Variants in OTOG observed in about 807,000 individuals in gnomAD.
The protein encoded by OTOG is otogelin.
Under a neutral mutation model 313.8 loss-of-function variants are expected in OTOG, and 296 were observed. The ratio of observed to expected loss-of-function variants is 0.94; its 90% CI spans 0.86 to 1.04. OTOG has a LOEUF of 1.04. Among genes scored for constraint, OTOG ranks in the 50% least tolerant of loss-of-function variants. The probability of loss-of-function intolerance (pLI) is 0.00; values close to 1 mark genes in which losing one functional copy is unlikely to be tolerated. For missense variants in OTOG, 3,948 were observed against 3,840.1 expected, an observed-to-expected ratio of 1.03 and a Z score of -0.74; for synonymous variants, 1,533 against 1,554.9, an observed-to-expected ratio of 0.99 and a Z score of 0.33.
At chr11:17,594,216 T>C in intron 28 of OTOG, 50 bp downstream of exon 28, 1 of 1,548,908 alleles carries the variant, frequency 6.5e-7, no homozygotes. Flanking sequence ...AGATGGGCGC[T>C]GCCAGCACTG....
intron 30 of OTOG, 58 bp downstream of exon 30, chr11:17,597,065 C>G: frequency 6.6e-7 from 1 of 1,524,676 alleles, no homozygotes; most frequent in South Asian, 1.2e-5. Flanking sequence ...TGTGGGCATG[C>G]CCTAGGGGTA....
intron 14 of OTOG, 67 bp from the exon 15 acceptor site, chr11:17,561,595 G>A (rs1238978778): frequency 6.6e-7 from 1 of 1,509,198 alleles, no homozygotes; most frequent in Non-Finnish European, 9.0e-7. Context: ...CCTCATACTT[G>A]GAGCTTGCAG....
In OTOG at chr11:17,569,070, C is replaced by G. The variant is rs140080613; in HGVS notation, c.1645-86C>G. On this transcript the variant is annotated intron_variant, in intron 15 of 55. Coordinates refer to ENST00000399397, the MANE Select transcript of OTOG (RefSeq NM_001292063.2). ...TGAGGAAACTGTCTCTCAAGCTGGG[C>G]TGGGGTCTCTGTCCCTAGAGGGCTC... 1.9e-5 allele frequency: 28 copies of G among 1,448,826 alleles called. No homozygotes were observed. In the East Asian group the frequency reaches 6.5e-4, roughly 33 times the overall value. 89.7% of individuals were successfully genotyped at this position (1,448,826 alleles called of 1,614,324 possible).
chr11:17,643,012 G>A (rs942540532), intron 53 of OTOG, among the ~76,000 whole-genome samples: 8 of 152,196 alleles, frequency 5.3e-5, no homozygotes, highest in Admixed American at 3.9e-4. Flanking sequence ...TAGAGGAGGA[G>A]GGTTTTAACG....
At chr11:17,621,411 TA>T (rs977150575) in intron 39 of OTOG, among the ~76,000 whole-genome samples, 1 of 152,152 alleles carries the variant, frequency 6.6e-6, no homozygotes, top group African/African-American at 2.4e-5. Flanking sequence ...CTCTACATAT[TA>T]GGAGGTTTTT....
rs1847959439 is a variant in OTOG at position 17,641,013 on chromosome 11, C to T, written c.8112C>T (p.Cys2704=). 6.5e-7 allele frequency: 1 copy of T among 1,548,430 alleles called. No homozygotes were observed. Residue 2704 remains cysteine, a synonymous_variant, in exon 51 of 56, where the codon TGC becomes TGT. Coordinates refer to ENST00000399397, the MANE Select transcript of OTOG (RefSeq NM_001292063.2). The part of the protein sequence containing the change: ...SADGVCHTSR[C]TTVLDPLTNF... Reference sequence around the variant, plus strand: ...ATGGCGTGTGCCACACCTCCCGCTGCACCACCGTGCTCGACCCTCTCACCA... The same window carrying T: ...ATGGCGTGTGCCACACCTCCCGCTGTACCACCGTGCTCGACCCTCTCACCA...
At chr11:17,633,415 A>G (rs1854180379) in intron 42 of OTOG, among the ~76,000 whole-genome samples, 1 of 152,256 alleles carries the variant, frequency 6.6e-6, no homozygotes, top group Non-Finnish European at 1.5e-5. Context: ...GAGACAGAAT[A>G]TAAATGAACA....
intron 20 of OTOG, among the ~76,000 whole-genome samples, chr11:17,576,317 T>A (rs1257096191): frequency 6.6e-6 from 1 of 152,216 alleles, no homozygotes; most frequent in African/African-American, 2.4e-5. Context: ...TGGAGACCAG[T>A]GACTCCTTGT....
At chr11:17,594,260 G>C (rs1370817828) in intron 28 of OTOG, 94 bp downstream of exon 28, 1 of 1,466,756 alleles carries the variant, frequency 6.8e-7, no homozygotes, top group Non-Finnish European at 9.3e-7. Flanking sequence ...AGGGATGCTG[G>C]TGTGAGGTTT....
At chr11:17,606,550 C>T (rs1240572786) in intron 33 of OTOG, among the ~76,000 whole-genome samples, 2 of 152,224 alleles carry the variant, frequency 1.3e-5, no homozygotes, top group South Asian at 4.1e-4. Context: ...GGCCAGCAAC[C>T]TCCTCTCTCA....
At position 17,644,137 on chromosome 11, in the gene OTOG, G is replaced by A. The variant is rs139141872; in HGVS notation, c.8461+631G>A. 6.9e-3 allele frequency among the ~76,000 whole-genome samples: 1,053 copies of A among 152,374 alleles called. 3 individuals are homozygous for A. Among genetic ancestry groups the A allele is most frequent in the South Asian group, 0.012 (59 of 4,834 alleles). On this transcript the variant is annotated intron_variant, in intron 54 of 55. Transcript: ENST00000399397. ...CTATTGGGCCTGCAGTGCATGCTGG[G>A]TAGTGAGCTGTATCCCCTGGGCTTG... is the stretch of plus-strand genomic sequence containing the variant.
intron 11 of OTOG, 63 bp from the exon 12 acceptor site, chr11:17,559,471 G>A (rs1852130541): frequency 6.5e-7 from 1 of 1,546,104 alleles, no homozygotes; most frequent in African/African-American, 1.4e-5. Context: ...GCCTGGGGTA[G>A]GAGCTGGGTC....
intron 41 of OTOG, 34 bp downstream of exon 41, chr11:17,631,956 C>T (rs945880683): frequency 2.4e-5 from 37 of 1,545,634 alleles, no homozygotes; most frequent in Admixed American, 5.9e-5. Flanking sequence ...CTGGGGACAC[C>T]TCCTGGGCTG....
intron 39 of OTOG, among the ~76,000 whole-genome samples, chr11:17,617,560 C>T (rs963798909): frequency 2.6e-5 from 4 of 152,010 alleles, no homozygotes; most frequent in African/African-American, 9.7e-5. Flanking sequence ...AGAATTTGTC[C>T]ATTTCATCCA....
intron 39 of OTOG, among the ~76,000 whole-genome samples, chr11:17,616,135 C>G (rs911063163): frequency 5.3e-5 from 8 of 152,036 alleles, no homozygotes; most frequent in Non-Finnish European, 1.2e-4. Flanking sequence ...TGATAGCTTA[C>G]TGCAGCCTCG....
intron 3 of OTOG, among the ~76,000 whole-genome samples, chr11:17,550,251 G>A (rs1215688633): frequency 6.6e-6 from 1 of 152,190 alleles, no homozygotes; most frequent in Non-Finnish European, 1.5e-5. Context: ...TTTTGGCAGT[G>A]ATAAGGCCCA....
chr11:17,596,752 G>A lies in OTOG; in HGVS notation c.3526-99G>A, dbSNP rs148673136. 30 of 1,065,752 alleles carry A rather than the reference G, an allele frequency of 2.8e-5. No homozygotes were observed. In the African/African-American group the frequency reaches 3.3e-4, roughly 12 times the overall value. The allele number at this position is 1,065,752 out of a possible 1,614,324, so 66.0% of individuals were successfully genotyped here. A position where few individuals can be genotyped will look rare whatever the true frequency, so the allele number is the denominator to read the frequency against. Reference sequence around the variant, plus strand: ...GAGACAGGATAGCTCACCCTATCCCGTGGTCCCTTCATGTTGGTGCTGGTC... The same window carrying A: ...GAGACAGGATAGCTCACCCTATCCCATGGTCCCTTCATGTTGGTGCTGGTC... On this transcript the variant is annotated intron_variant, in intron 29 of 55. Transcript: ENST00000399397.
At chr11:17,554,286 G>A (rs1483130997) in intron 6 of OTOG, among the ~76,000 whole-genome samples, 2 of 152,208 alleles carry the variant, frequency 1.3e-5, no homozygotes, top group Non-Finnish European at 2.9e-5. Context: ...TCTTACAAAG[G>A]TCTGGTTTTG....
intron 24 of OTOG, among the ~76,000 whole-genome samples, chr11:17,588,746 T>G (rs1436740357): frequency 6.6e-6 from 1 of 152,254 alleles, no homozygotes; most frequent in South Asian, 2.1e-4. Context: ...TCTCAGATTC[T>G]TCATCCTCTC....
Sources: gnomAD v4.1 joint callset for allele counts (sites outside exome capture counted in the v4.1 genomes callset) on GRCh38, gnomAD v4.1.1 for gene constraint, MANE v1.5 for transcripts, NCBI Gene and HGNC (gene_info 2026-07-23, HGNC 2026-07-21) for gene names.